Variants in ASXL2 observed in about 807,000 individuals in gnomAD.
ASXL2 encodes the protein ASXL transcriptional regulator 2.
A neutral mutation model predicts 122.0 loss-of-function variants in ASXL2; 23 were observed. The observed-to-expected ratio is 0.19, with a 90% CI of 0.14 to 0.27. The LOEUF (loss-of-function observed/expected upper bound fraction) is 0.27. Ranked by LOEUF, ASXL2 falls within the 10% of genes least tolerant of loss-of-function variation. The probability of loss-of-function intolerance (pLI) is 1.00; values close to 1 mark genes in which losing one functional copy is unlikely to be tolerated. For missense variants in ASXL2, 1,518 were observed against 1,713.8 expected (o/e 0.89, Z 2.02); for synonymous variants, 650 against 637.0 (o/e 1.02, Z -0.31).
rs546915919 is a variant in ASXL2 at position 25,738,680 on chromosome 2, A to T, written c.*3349T>A. Reference sequence around the variant, plus strand: ...GCTCTCTAAGGTGGAGAAAGGCAATAATAAACAACAGAATGTTAACTGTCA... The same window carrying T: ...GCTCTCTAAGGTGGAGAAAGGCAATTATAAACAACAGAATGTTAACTGTCA... On this transcript the variant is annotated 3_prime_UTR_variant, in exon 13 of 13. Coordinates refer to ENST00000435504, the MANE Select transcript of ASXL2 (RefSeq NM_018263.6). 1 of 152,216 alleles carries T rather than the reference A, an allele frequency of 6.6e-6. No individual in the cohort carries two copies. The highest frequency in any genetic ancestry group is 6.5e-5 in the Admixed American group (1 of 15,280). The allele number at this position is 152,216 out of a possible 1,614,324, so 9.4% of individuals were successfully genotyped here.
intron 1 of ASXL2, among the ~76,000 whole-genome samples, chr2:25,846,087 G>C (rs1574445649): frequency 6.6e-6 from 1 of 151,950 alleles, no homozygotes; most frequent in African/African-American, 2.4e-5. Flanking sequence ...TAGCTCCCCT[G>C]AGCCTGGACT....
chr2:25,745,501 C>T (rs1249883895), intron 12 of ASXL2, among the ~76,000 whole-genome samples: 1 of 144,466 alleles, frequency 6.9e-6, no homozygotes, highest in Non-Finnish European at 1.5e-5. Context: ...GCATGAGCCA[C>T]AGCACCCAGC....
At chr2:25,859,222 A>T (rs1434889130) in intron 1 of ASXL2, among the ~76,000 whole-genome samples, 1 of 151,854 alleles carries the variant, frequency 6.6e-6, no homozygotes, top group Non-Finnish European at 1.5e-5. Context: ...GACTGCAGGC[A>T]CACACCACCA....
chr2:25,821,490 G>T (rs1197792178), intron 3 of ASXL2, among the ~76,000 whole-genome samples: 1 of 152,090 alleles, frequency 6.6e-6, no homozygotes, highest in East Asian at 1.9e-4. Context: ...GGGGCTGGGC[G>T]TGGTGGCTCA....
chr2:25,782,881 ACTTTGGGAAGC>A (rs578153884), intron 5 of ASXL2, among the ~76,000 whole-genome samples: 84 of 152,300 alleles, frequency 5.5e-4, no homozygotes, highest in African/African-American at 1.9e-3. Flanking sequence ...TAACCCCAGC[ACTTTGGGAAGC>A]CAAGGTGGGC....
At position 25,845,489 on chromosome 2, in the gene ASXL2, T is replaced by C. The variant is rs2089638765; in HGVS notation, c.132A>G (p.Lys44=). 2 of 1,482,386 alleles carry C rather than the reference T, an allele frequency of 1.3e-6. No individual in the cohort carries two copies. The highest frequency in any genetic ancestry group is 1.4e-5 in the African/African-American group (1 of 70,310). The allele number at this position is 1,482,386 out of a possible 1,614,324, so 91.8% of individuals were successfully genotyped here. ...ILQVIQREGL[K]EIRSGTSPLA... ...ATATTTAAATAACTCACCTGATTTC[T>C]TTTAGTCCTTCTCTCTGGATAACTT... The change falls in exon 2 of 13, where the codon AAA becomes AAG. Residue 44 remains lysine (K), a synonymous_variant. Transcript: ENST00000435504.
intron 5 of ASXL2, chr2:25,780,159 T>C (rs1040792393): frequency 6.6e-6 from 1 of 152,132 alleles, no homozygotes; most frequent in Non-Finnish European, 1.5e-5. Flanking sequence ...CCCATTTTAA[T>C]AATTTTACTT....
intron 8 of ASXL2, among the ~76,000 whole-genome samples, chr2:25,761,156 G>T (rs1235372985): frequency 6.6e-6 from 1 of 152,128 alleles, no homozygotes; most frequent in Non-Finnish European, 1.5e-5. Context: ...TGAAGCTCAA[G>T]AATGAGAAAA....
intron 3 of ASXL2, among the ~76,000 whole-genome samples, chr2:25,806,704 A>C (rs1328569883): frequency 6.6e-6 from 1 of 152,218 alleles, no homozygotes; most frequent in African/African-American, 2.4e-5. Flanking sequence ...TCAAATAAAC[A>C]GTAATAATTC....
At chr2:25,821,415 G>C (rs1317433046) in intron 3 of ASXL2, among the ~76,000 whole-genome samples, 2 of 151,738 alleles carry the variant, frequency 1.3e-5, no homozygotes, top group East Asian at 3.9e-4. Flanking sequence ...AGGAAAATGA[G>C]GTGGAATTTG....
At chr2:25,791,418 G>T (rs781103688) in intron 5 of ASXL2, among the ~76,000 whole-genome samples, 1 of 151,636 alleles carries the variant, frequency 6.6e-6, no homozygotes, top group African/African-American at 2.4e-5. Context: ...ACCCACGATG[G>T]GGAGGTTGCA....
intron 1 of ASXL2, among the ~76,000 whole-genome samples, chr2:25,862,186 G>A (rs1238951502): frequency 2.0e-5 from 3 of 152,150 alleles, no homozygotes; most frequent in African/African-American, 4.8e-5. Flanking sequence ...ACACTAAAGT[G>A]AAGTAAATCT....
intron 8 of ASXL2, among the ~76,000 whole-genome samples, chr2:25,764,377 G>A (rs1574403625): frequency 2.0e-5 from 3 of 152,134 alleles, no homozygotes; most frequent in South Asian, 4.1e-4. Flanking sequence ...GGAAGGAGAA[G>A]AACTGTTGTG....
At chr2:25,809,853 C>T (rs775210563) in intron 3 of ASXL2, 7 of 475,586 alleles carry the variant, frequency 1.5e-5, no homozygotes, top group Non-Finnish European at 2.9e-5. Context: ...TAAAGGTCAG[C>T]TTTGGGTAGG....
chr2:25,857,885 A>G (rs950088383), intron 1 of ASXL2, among the ~76,000 whole-genome samples: 3 of 148,356 alleles, frequency 2.0e-5, no homozygotes, highest in African/African-American at 7.6e-5. Flanking sequence ...TATTTTATTT[A>G]TTTTTGAGAC....
intron 11 of ASXL2, among the ~76,000 whole-genome samples, chr2:25,750,732 T>C (rs1166486299): frequency 6.6e-6 from 1 of 152,236 alleles, no homozygotes; most frequent in African/African-American, 2.4e-5. Context: ...TATAAAGTAC[T>C]TGCCTAACAC....
chr2:25,813,547 C>A (rs2089197840), intron 3 of ASXL2, among the ~76,000 whole-genome samples: 1 of 152,228 alleles, frequency 6.6e-6, no homozygotes, highest in African/African-American at 2.4e-5. Context: ...CTTAGTTTTT[C>A]AACCACTGCG....
intron 1 of ASXL2, among the ~76,000 whole-genome samples, chr2:25,848,944 G>A (rs2089682980): frequency 6.6e-6 from 1 of 150,380 alleles, no homozygotes; most frequent in Non-Finnish European, 1.5e-5. Context: ...TACTACGGAG[G>A]CTGAGGCAGG....
intron 11 of ASXL2, among the ~76,000 whole-genome samples, chr2:25,753,171 T>C (rs2088075662): frequency 6.6e-6 from 1 of 151,686 alleles, no homozygotes; most frequent in South Asian, 2.1e-4. Context: ...GGTTTCACCA[T>C]GTTGGTCAGG....
Sources: allele counts gnomAD v4.1 joint callset (sites outside exome capture counted in the v4.1 genomes callset), GRCh38; gene constraint gnomAD v4.1.1; transcripts MANE v1.5; gene names NCBI Gene and HGNC (gene_info 2026-07-23, HGNC 2026-07-21).